Variants in KLF8 observed in about 807,000 individuals in gnomAD.
KLF8 encodes Krueppel-like factor 8.
In KLF8, 10 loss-of-function variants were observed where a neutral mutation model predicts 18.2. That is an observed-to-expected ratio of 0.55 (90% CI 0.34 to 0.93). KLF8 has a LOEUF of 0.93. Among genes scored for constraint, KLF8 ranks in the 40% least tolerant of loss-of-function variants. The pLI, the probability that KLF8 is intolerant of heterozygous loss-of-function variation, is 0.02. For synonymous variants in KLF8, 109 were observed against 97.3 expected, an observed-to-expected ratio of 1.12 and a Z score of -0.71; for missense variants, 264 against 277.9, an observed-to-expected ratio of 0.95 and a Z score of 0.36.
the KLF8 span, among the ~76,000 whole-genome samples, chrX:56,030,708 G>A: frequency 9.3e-6 from 1 of 107,726 alleles, no homozygotes; most frequent in Non-Finnish European, 1.9e-5. Flanking sequence ...TGGTCTAGGG[G>A]CTGTGAGCTC....
chrX:55,956,727 A>T, the KLF8 span, among the ~76,000 whole-genome samples: 1 of 112,166 alleles, frequency 8.9e-6, no homozygotes, highest in South Asian at 3.7e-4. Context: ...TGTTTATTCA[A>T]GTCAGTTGCC....
chrX:55,978,234 T>C, the KLF8 span, among the ~76,000 whole-genome samples: 1 of 111,192 alleles, frequency 9.0e-6, no homozygotes, highest in East Asian at 2.8e-4. Context: ...CTCTTAACTA[T>C]GAAAAATGTA....
chrX:56,010,135 G>A, the KLF8 span, among the ~76,000 whole-genome samples: 1 of 110,940 alleles, frequency 9.0e-6, no homozygotes, highest in African/African-American at 3.3e-5. Flanking sequence ...TCCATGAGAA[G>A]ATCAACCCCA....
At chrX:56,229,073 T>C (rs2066385419), upstream of KLF8, among the ~76,000 whole-genome samples, 2 of 110,552 alleles carry the variant, frequency 1.8e-5, no homozygotes, top group Non-Finnish European at 1.9e-5. Context: ...TTCTTTTTTT[T>C]ATTGTTGTTG....
the KLF8 span, among the ~76,000 whole-genome samples, chrX:56,084,649 G>A: frequency 1.8e-5 from 2 of 111,823 alleles, no homozygotes; most frequent in Non-Finnish European, 1.9e-5. Flanking sequence ...TCCTCGTAAA[G>A]CTTTCTTTGC....
the KLF8 span, among the ~76,000 whole-genome samples, chrX:56,096,661 C>A: frequency 9.1e-6 from 1 of 110,476 alleles, no homozygotes; most frequent in Non-Finnish European, 1.9e-5. Context: ...AATGTTAGAG[C>A]AGAAATTAAT....
chrX:56,026,910 T>A, the KLF8 span, among the ~76,000 whole-genome samples: 1 of 112,804 alleles, frequency 8.9e-6, no homozygotes, highest in Non-Finnish European at 1.9e-5. Context: ...AGCTACTCCA[T>A]AGGCTTGTAT....
the KLF8 span, chrX:56,014,732 G>A: frequency 4.6e-5 from 5 of 107,856 alleles, no homozygotes; most frequent in African/African-American, 1.7e-4. Context: ...CAACACACAC[G>A]CCCATCAGTG....
chrX:56,060,010 G>A, the KLF8 span, among the ~76,000 whole-genome samples: 1 of 111,359 alleles, frequency 9.0e-6, no homozygotes, highest in Non-Finnish European at 1.9e-5. Flanking sequence ...CCAATTGTTT[G>A]TGTCCTCCCT....
chrX:55,941,390 A>C, the KLF8 span, among the ~76,000 whole-genome samples: 1 of 112,097 alleles, frequency 8.9e-6, no homozygotes, highest in African/African-American at 3.2e-5. Flanking sequence ...GAAAGACTTA[A>C]ATGTTAGACC....
intron 5 of KLF8, among the ~76,000 whole-genome samples, chrX:56,284,061 A>G (rs2067239202): frequency 8.9e-6 from 1 of 112,389 alleles, no homozygotes; most frequent in Non-Finnish European, 1.9e-5. Flanking sequence ...ATAAGTATAT[A>G]GGTAATATGT....
the KLF8 span, among the ~76,000 whole-genome samples, chrX:56,059,874 T>C: frequency 8.9e-6 from 1 of 112,267 alleles, no homozygotes; most frequent in East Asian, 2.8e-4. Context: ...AAGTAATTTT[T>C]TCTAATTCTG....
chrX:56,199,422 G>A, the KLF8 span, among the ~76,000 whole-genome samples: 1 of 111,551 alleles, frequency 9.0e-6, no homozygotes, highest in South Asian at 3.7e-4. Context: ...TCAAAAAGTG[G>A]ACAAAGGTTA....
the KLF8 span, among the ~76,000 whole-genome samples, chrX:55,958,911 C>T: frequency 1.8e-5 from 2 of 112,230 alleles, no homozygotes; most frequent in Non-Finnish European, 3.8e-5. Context: ...CCACCACTGC[C>T]CCACTGACAT....
the KLF8 span, among the ~76,000 whole-genome samples, chrX:56,104,946 T>C: frequency 2.7e-5 from 3 of 112,019 alleles, no homozygotes; most frequent in African/African-American, 6.5e-5. Flanking sequence ...AATAACATCT[T>C]TATGTCTGCA....
At chrX:56,125,236 T>A in the KLF8 span, among the ~76,000 whole-genome samples, 2 of 111,965 alleles carry the variant, frequency 1.8e-5, no homozygotes, top group Non-Finnish European at 3.8e-5. Flanking sequence ...TCAGATGCAA[T>A]CCTTTCTCAT....
chrX:56,149,795 G>A, the KLF8 span, among the ~76,000 whole-genome samples: 1 of 110,339 alleles, frequency 9.1e-6, no homozygotes, highest in African/African-American at 3.3e-5. Context: ...CAATAGTGGG[G>A]CTCAAATCTC....
the KLF8 span, among the ~76,000 whole-genome samples, chrX:56,201,893 A>G: frequency 8.9e-6 from 1 of 111,822 alleles, no homozygotes; most frequent in Non-Finnish European, 1.9e-5. Context: ...TAAATAAAAT[A>G]CATGAGTTAT....
chrX:56,187,811 C>T, the KLF8 span, among the ~76,000 whole-genome samples: 1 of 111,726 alleles, frequency 9.0e-6, no homozygotes, highest in Non-Finnish European at 1.9e-5. Flanking sequence ...TGGCCTTTGA[C>T]AAAATTCAAC....
Sources: gnomAD v4.1 joint callset for allele counts (sites outside exome capture counted in the v4.1 genomes callset) on GRCh38, gnomAD v4.1.1 for gene constraint, MANE v1.5 for transcripts, NCBI Gene and HGNC (gene_info 2026-07-23, HGNC 2026-07-21) for gene names.